GRM4: variants seen among roughly 807,000 people sequenced by gnomAD.
The protein encoded by GRM4 is metabotropic glutamate receptor 4.
Under a neutral mutation model 81.7 loss-of-function variants are expected in GRM4, and 28 were observed. The ratio of observed to expected loss-of-function variants is 0.34; its 90% CI spans 0.25 to 0.47. The LOEUF is 0.47. Ranked by LOEUF, GRM4 falls within the 20% of genes least tolerant of loss-of-function variation. GRM4 has a pLI of 1.00. For synonymous variants in GRM4, 488 were observed against 528.8 expected, an observed-to-expected ratio of 0.92 and a Z score of 1.06; for missense variants, 948 against 1,290.0, an observed-to-expected ratio of 0.73 and a Z score of 4.06.
chr6:34,128,262 C>T (rs1004332240), intron 2 of GRM4, among the ~76,000 whole-genome samples: 8 of 152,242 alleles, frequency 5.3e-5, no homozygotes, highest in Non-Finnish European at 1.2e-4. Context: ...TCGCCGGAGT[C>T]CCTCATGCTG....
At chr6:34,154,769 G>GC (rs201409288) in intron 1 of GRM4, among the ~76,000 whole-genome samples, 5,402 of 152,322 alleles carry the variant, frequency 0.035, 218 homozygotes, top group African/African-American at 0.097. Context: ...CCCCGGGCAG[G>GC]CCCCTTGCGC....
intron 1 of GRM4, among the ~76,000 whole-genome samples, chr6:34,153,824 G>C (rs1347339181): frequency 6.6e-6 from 1 of 152,106 alleles, no homozygotes; most frequent in Non-Finnish European, 1.5e-5. Context: ...CTACTGGGGA[G>C]GCTGAGGCAT....
chr6:34,129,216 T>C (rs999219397), intron 2 of GRM4, among the ~76,000 whole-genome samples: 1 of 152,156 alleles, frequency 6.6e-6, no homozygotes, highest in Non-Finnish European at 1.5e-5. Context: ...GGTTTCACCA[T>C]GTTGTCCAGG....
intron 2 of GRM4, among the ~76,000 whole-genome samples, chr6:34,103,065 C>A (rs1388004742): frequency 6.6e-6 from 1 of 152,234 alleles, no homozygotes; most frequent in African/African-American, 2.4e-5. Context: ...CCTCCTGGGG[C>A]CTGTCACACC....
chr6:34,059,274 G>T lies in GRM4; in HGVS notation c.873-146C>A. ...CCCAGCACCGATGCTTTCACCCCAA[G>T]CCATGGATTCCCCCTACCCGCTGCC... is the stretch of plus-strand genomic sequence containing the variant. On this transcript the variant is annotated intron_variant, in intron 4 of 10. Transcript: ENST00000538487. This position sits in a 1 kb window ranked among gnomAD's most constrained non-coding sequence, Gnocchi z 5.7. 1 of 710,844 alleles carries T rather than the reference G, an allele frequency of 1.4e-6. No homozygotes were observed. Among genetic ancestry groups the T allele is most frequent in the South Asian group, 1.8e-5 (1 of 56,660 alleles). 44.0% of individuals were successfully genotyped at this position (710,844 alleles called of 1,614,324 possible). A position where few individuals can be genotyped will look rare whatever the true frequency, so the allele number is the denominator to read the frequency against.
chr6:34,083,991 C>T (rs533194533), intron 3 of GRM4, among the ~76,000 whole-genome samples: 7 of 152,312 alleles, frequency 4.6e-5, no homozygotes, highest in South Asian at 2.1e-4. Flanking sequence ...TAGGCCTTGC[C>T]GGACGCTTCC....
At position 34,036,498 on chromosome 6, in the gene GRM4, A is replaced by T; in HGVS notation, c.1612T>A (p.Cys538Ser). 1.2e-6 allele frequency: 2 copies of T among 1,613,104 alleles called. No individual in the cohort carries two copies. The highest frequency in any genetic ancestry group is 1.7e-6 in the Non-Finnish European group (2 of 1,179,678). The change falls in exon 9 of 11, where the codon TGC (cysteine) becomes AGC (serine). Residue 538 changes from cysteine to serine, a missense_variant. Cys to Ser is a moderately radical substitution (Grantham distance 112, BLOSUM62 -1). Coordinates refer to ENST00000538487, the MANE Select transcript of GRM4 (RefSeq NM_000841.4). The surrounding 1 kb of genome is among the most constrained non-coding windows in gnomAD (Gnocchi z 9.0). Reference sequence around the variant, plus strand: ...GTGCAAGGCTCGCAGTGCCAGCAGCAAGGCATGCCCTTCACTGTCTTCTTC... The same window carrying T: ...GTGCAAGGCTCGCAGTGCCAGCAGCTAGGCATGCCCTTCACTGTCTTCTTC... Reference protein sequence around the residue: ...ERKKTVKGMPCCWHCEPCTGY... With the variant: ...ERKKTVKGMPSCWHCEPCTGY...
At chr6:34,103,172 G>A (rs1371025949) in intron 2 of GRM4, among the ~76,000 whole-genome samples, 2 of 152,204 alleles carry the variant, frequency 1.3e-5, no homozygotes, top group Non-Finnish European at 2.9e-5. Context: ...CTCTTATCAG[G>A]AAAACAAGCG....
chr6:34,044,226 A>ACC (rs1765172262), intron 6 of GRM4, among the ~76,000 whole-genome samples: 1 of 84,900 alleles, frequency 1.2e-5, no homozygotes, highest in African/African-American at 7.3e-5. Context: ...ACACATATAT[A>ACC]CAGACACACA....
At chr6:34,056,445 A>ACAAAGGC in intron 6 of GRM4, 99 bp downstream of exon 6, 1 of 1,130,030 alleles carries the variant, frequency 8.8e-7, no homozygotes, top group Non-Finnish European at 1.3e-6. Flanking sequence ...CGGCCGGCCG[A>ACAAAGGC]CGACAGACAA....
rs1262951257 is a variant in GRM4 at position 34,074,354 on chromosome 6, C to T, written c.737-12326G>A. On this transcript the variant is annotated intron_variant, in intron 3 of 10. Coordinates refer to ENST00000538487, the MANE Select transcript of GRM4 (RefSeq NM_000841.4). This position sits in a 1 kb window ranked among gnomAD's most constrained non-coding sequence, Gnocchi z 4.9. The stretch of plus-strand genomic sequence containing the variant: ...TTGCGGTGAGGATTAGAGCGGATTG[C>T]CCGTGGACAGGGTCAGCCCCTAGGG... 6.6e-6 allele frequency among the ~76,000 whole-genome samples: 1 copy of T among 152,238 alleles called. No individual in the cohort carries two copies. The highest frequency in any genetic ancestry group is 1.5e-5 in the Non-Finnish European group (1 of 68,036).
In GRM4 at chr6:34,074,201, A is replaced by G. The variant is rs2127473584; in HGVS notation, c.737-12173T>C. Among the ~76,000 whole-genome samples the G allele has an allele frequency of 6.6e-6, 1 of 152,268 alleles. No homozygotes were observed. The highest frequency in any genetic ancestry group is 2.1e-4 in the South Asian group (1 of 4,832). ...ATGAGGAAGCGGAGTCTGGGCACAG[A>G]CAGGGGCATGTCCCATCTCAACCAC... On this transcript the variant is annotated intron_variant, in intron 3 of 10. Transcript: ENST00000538487. The surrounding 1 kb of genome is among the most constrained non-coding windows in gnomAD (Gnocchi z 4.9).
intron 9 of GRM4, among the ~76,000 whole-genome samples, chr6:34,030,118 C>T (rs1764340007): frequency 1.3e-5 from 2 of 152,186 alleles, no homozygotes; most frequent in South Asian, 2.1e-4. Context: ...GGGCTGGTGG[C>T]CAGGGTGAGA....
At chr6:34,128,558 A>G (rs1349319176) in intron 2 of GRM4, among the ~76,000 whole-genome samples, 5 of 151,730 alleles carry the variant, frequency 3.3e-5, no homozygotes, top group Non-Finnish European at 2.9e-5. Flanking sequence ...TTGTATTTTT[A>G]GTAGAGACGG....
At chr6:34,067,196 G>A (rs923255175) in intron 3 of GRM4, among the ~76,000 whole-genome samples, 15 of 152,312 alleles carry the variant, frequency 9.8e-5, no homozygotes, top group South Asian at 2.1e-4. Context: ...GTTTCCTGTC[G>A]TATTTTTCAG....
rs1769859195 is a variant in GRM4, at chr6:34,122,668, G to T, written c.519+10310C>A. Among the ~76,000 whole-genome samples, 4 of 152,256 alleles carry T rather than the reference G, an allele frequency of 2.6e-5. No homozygotes were observed. In the South Asian group the frequency reaches 6.2e-4, roughly 24 times the overall value. ...AGACTAAGGGGGGTCCACCCCTGCT[G>T]CGGGCACCATCCTGTTCCTCAGTTC... On this transcript the variant is annotated intron_variant, in intron 2 of 10. Transcript: ENST00000538487.
In GRM4 at chr6:34,111,471, G is replaced by A. The variant is rs1406095363; in HGVS notation, c.520-19372C>T. 1.3e-5 allele frequency among the ~76,000 whole-genome samples: 2 copies of A among 152,178 alleles called. No individual in the cohort carries two copies. The highest frequency in any genetic ancestry group is 2.9e-5 in the Non-Finnish European group (2 of 68,034). On this transcript the variant is annotated intron_variant, in intron 2 of 10. Transcript: ENST00000538487. This position sits in a 1 kb window ranked among gnomAD's most constrained non-coding sequence, Gnocchi z 5.1. ...CAGCATTAACAGTGTATTTTGGGGAGCACAAGAGAGTGTTCATAACCCACC... is the reference window on the plus strand; with the variant it reads ...CAGCATTAACAGTGTATTTTGGGGAACACAAGAGAGTGTTCATAACCCACC...
chr6:34,144,003 C>T (rs537250083), intron 1 of GRM4, among the ~76,000 whole-genome samples: 1 of 152,382 alleles, frequency 6.6e-6, no homozygotes, highest in East Asian at 1.9e-4. Flanking sequence ...TAGGCAAGCC[C>T]AGCTCAGTCG....
chr6:34,144,856 C>A (rs1055709619), intron 1 of GRM4, among the ~76,000 whole-genome samples: 7 of 152,192 alleles, frequency 4.6e-5, no homozygotes, highest in Non-Finnish European at 8.8e-5. Context: ...CATTCCCTCC[C>A]TCAGGGGCAC....
Sources: gnomAD v4.1 joint callset for allele counts (sites outside exome capture counted in the v4.1 genomes callset) on GRCh38, gnomAD v4.1.1 for gene constraint, Gnocchi (gnomAD v3.1) non-coding constraint, MANE v1.5 for transcripts, NCBI Gene and HGNC (gene_info 2026-07-23, HGNC 2026-07-21) for gene names.